Variants in RERE observed in about 807,000 individuals in gnomAD.
RERE encodes the protein arginine-glutamic acid dipeptide repeats, also known as arginine-glutamic acid dipeptide repeats protein.
In RERE, 40 loss-of-function variants were observed where a neutral mutation model predicts 146.1. The observed-to-expected ratio is 0.27, with a 90% CI of 0.21 to 0.36. RERE has a LOEUF of 0.36. Among genes scored for constraint, RERE ranks in the 10% least tolerant of loss-of-function variants. The pLI, the probability that RERE is intolerant of heterozygous loss-of-function variation, is 1.00. For missense variants in RERE, 1,933 were observed against 2,138.7 expected, an observed-to-expected ratio of 0.90 and a Z score of 1.90; for synonymous variants, 1,003 against 866.0, an observed-to-expected ratio of 1.16 and a Z score of -2.78.
chr1:8,408,529 T>TA (rs1196319714), intron 12 of RERE, among the ~76,000 whole-genome samples: 1 of 152,124 alleles, frequency 6.6e-6, no homozygotes, highest in Non-Finnish European at 1.5e-5. Context: ...GAGGGGTTCT[T>TA]AAAACGACTA....
rs192975365 is a variant in RERE, at chr1:8,663,886, G to A, written c.-144-7445C>T. ...CCAACTGCTGGGAATACTGTTCCCC[G>A]CCCCTTTGTCTGTGTACCTTCTACT... On this transcript the variant is annotated intron_variant, in intron 1 of 22. Coordinates refer to ENST00000400908, the MANE Select transcript of RERE (RefSeq NM_001042681.2). Among the ~76,000 whole-genome samples the A allele has an allele frequency of 2.5e-3, 375 of 151,916 alleles. 2 individuals are homozygous for A. Among genetic ancestry groups the A allele is most frequent in the South Asian group, 0.023 (112 of 4,800 alleles).
intron 12 of RERE, among the ~76,000 whole-genome samples, chr1:8,395,304 T>A (rs969717327): frequency 6.6e-5 from 10 of 151,934 alleles, no homozygotes; most frequent in African/African-American, 2.2e-4. Flanking sequence ...TGAAACCCCA[T>A]CTCTACTAAA....
intron 10 of RERE, among the ~76,000 whole-genome samples, chr1:8,485,027 T>C (rs1644880487): frequency 6.6e-6 from 1 of 152,142 alleles, no homozygotes; most frequent in Admixed American, 6.6e-5. Context: ...AAATAAGATA[T>C]TTATTAACTA....
chr1:8,695,049 G>A (rs1224881071), intron 1 of RERE, among the ~76,000 whole-genome samples: 2 of 143,408 alleles, frequency 1.4e-5, no homozygotes, highest in African/African-American at 5.3e-5. Context: ...AATCAAAACA[G>A]GAGGGTACAG....
At chr1:8,541,088 A>AT (rs563027227) in intron 7 of RERE, 126 bp downstream of exon 7, 51 of 449,288 alleles carry the variant, frequency 1.1e-4, no homozygotes, top group South Asian at 2.9e-4. Flanking sequence ...CTCTGGAGTC[A>AT]TTTTTTTTAA....
chr1:8,565,840 C>CCAGGCCTCAGGCCATCAAGGTTCATGTAT (rs1646146686), intron 4 of RERE, among the ~76,000 whole-genome samples: 2 of 152,176 alleles, frequency 1.3e-5, no homozygotes, highest in African/African-American at 4.8e-5. Context: ...GAGTATACCA[C>CCAGGCCTCAGGCCATCAAGGTTCATGTAT]CAGGCCTCAG....
Position 8,429,279 on chromosome 1 carries a change from T to C in RERE, c.1204-6472A>G, listed in dbSNP as rs576090741. On this transcript the variant is annotated intron_variant, in intron 11 of 22. Transcript: ENST00000400908. ...GGTCAAGGGGGACCAGTGTAAAAAATTGGGAAGCCTCAGAGCTGTGGTGGG... is the reference window on the plus strand; with the variant it reads ...GGTCAAGGGGGACCAGTGTAAAAAACTGGGAAGCCTCAGAGCTGTGGTGGG... Among the ~76,000 whole-genome samples the C allele has an allele frequency of 1.9e-4, 29 of 152,186 alleles. No individual in the cohort carries two copies. The East Asian group carries it at 2.9e-3, about 15-fold the overall frequency.
At chr1:8,462,204 T>A (rs1241714977) in intron 11 of RERE, among the ~76,000 whole-genome samples, 2 of 152,222 alleles carry the variant, frequency 1.3e-5, no homozygotes, top group African/African-American at 4.8e-5. Flanking sequence ...AAGAACTTTT[T>A]AAAAGGATTA....
intron 1 of RERE, among the ~76,000 whole-genome samples, chr1:8,709,772 G>A (rs1303947181): frequency 1.3e-5 from 2 of 152,092 alleles, no homozygotes; most frequent in Admixed American, 6.5e-5. Context: ...TATAAACAGT[G>A]CTACAACAAA....
intron 1 of RERE, among the ~76,000 whole-genome samples, chr1:8,794,022 C>T (rs1415282033): frequency 2.0e-5 from 3 of 151,172 alleles, no homozygotes; most frequent in Non-Finnish European, 4.4e-5. Context: ...GAGCCAAGAT[C>T]GTACCACTGC....
chr1:8,791,279 T>G (rs531015244), intron 1 of RERE, among the ~76,000 whole-genome samples: 6 of 152,352 alleles, frequency 3.9e-5, no homozygotes, highest in African/African-American at 9.6e-5. Context: ...TATGCACACT[T>G]AATGACTCTC....
intron 10 of RERE, among the ~76,000 whole-genome samples, chr1:8,490,711 C>T (rs897626965): frequency 6.7e-6 from 1 of 149,936 alleles, no homozygotes; most frequent in East Asian, 1.9e-4. Context: ...TGTAACATTC[C>T]GCGAAATGCA....
intron 4 of RERE, among the ~76,000 whole-genome samples, chr1:8,588,207 C>T (rs1646450614): frequency 6.6e-6 from 1 of 152,130 alleles, no homozygotes; most frequent in Non-Finnish European, 1.5e-5. Context: ...TAAATGCTGG[C>T]TGAATTTAAT....
intron 4 of RERE, among the ~76,000 whole-genome samples, chr1:8,602,268 G>A (rs531863749): frequency 2.0e-5 from 3 of 152,048 alleles, no homozygotes; most frequent in African/African-American, 7.2e-5. Context: ...GCGGGCGCCT[G>A]TAGTCCCAGC....
intron 1 of RERE, among the ~76,000 whole-genome samples, chr1:8,729,167 C>CTCAATCAA (rs144148246): frequency 8.2e-5 from 12 of 146,504 alleles, no homozygotes; most frequent in Admixed American, 6.9e-4. Context: ...GAGACTCCAT[C>CTCAATCAA]TCAATCAATC....
chr1:8,762,065 A>G (rs1640766934), intron 1 of RERE, among the ~76,000 whole-genome samples: 1 of 152,360 alleles, frequency 6.6e-6, no homozygotes, highest in African/African-American at 2.4e-5. Context: ...ACACCTTCAA[A>G]AAGGCTCCAT....
intron 10 of RERE, among the ~76,000 whole-genome samples, chr1:8,484,693 G>C (rs773345001): frequency 2.3e-4 from 35 of 152,140 alleles, no homozygotes; most frequent in Non-Finnish European, 3.8e-4. Flanking sequence ...AATGTGCTGG[G>C]ATTACAGGTG....
chr1:8,602,566 C>T lies in RERE; in HGVS notation c.522+11995G>A, dbSNP rs192064020. On this transcript the variant is annotated intron_variant, in intron 4 of 22. Transcript: ENST00000400908. ...ACTTGAGCTATATACCGATGTCTAC[C>T]CACTAAAATTACTAAAACTATAGCC... Among the ~76,000 whole-genome samples, 279 of 151,590 alleles carry T rather than the reference C, an allele frequency of 1.8e-3. 2 individuals are homozygous for T. Among genetic ancestry groups the T allele is most frequent in the Non-Finnish European group, 3.4e-3 (231 of 67,866 alleles).
chr1:8,357,621 G>T (rs1641349910), intron 20 of RERE, among the ~76,000 whole-genome samples: 1 of 152,220 alleles, frequency 6.6e-6, no homozygotes, highest in African/African-American at 2.4e-5. Flanking sequence ...GATGCCAGCT[G>T]GGCCTGCCTC....
Sources: allele counts gnomAD v4.1 joint callset (sites outside exome capture counted in the v4.1 genomes callset), GRCh38; gene constraint gnomAD v4.1.1; transcripts MANE v1.5; gene names NCBI Gene and HGNC (gene_info 2026-07-23, HGNC 2026-07-21).